LMO1: variants seen among roughly 807,000 people sequenced by gnomAD.
LMO1 encodes the protein rhombotin-1.
Under a neutral mutation model 18.0 loss-of-function variants are expected in LMO1, and 10 were observed. The observed-to-expected ratio is 0.55, with a 90% CI of 0.34 to 0.94. LMO1 has a LOEUF of 0.94. LMO1 is among the 40% of genes least tolerant of loss of function. The pLI is 0.02. For synonymous variants in LMO1, 77 were observed against 77.9 expected (o/e 0.99, Z 0.06); for missense variants, 183 against 205.7 (o/e 0.89, Z 0.68).
chr11:8,226,710 A>C, intron 3 of LMO1: 1 of 486,674 alleles, frequency 2.1e-6, no homozygotes, highest in Non-Finnish European at 3.5e-6. Flanking sequence ...ATACACAGTA[A>C]ACTCATGCAC....
chr11:8,228,016 T>C (rs1218931452), intron 2 of LMO1, among the ~76,000 whole-genome samples: 1 of 152,272 alleles, frequency 6.6e-6, no homozygotes, highest in African/African-American at 2.4e-5. Flanking sequence ...AAACTCACTG[T>C]GTTACTTGCC....
intron 2 of LMO1, among the ~76,000 whole-genome samples, chr11:8,227,434 C>A (rs141924418): frequency 7.2e-5 from 11 of 152,326 alleles, no homozygotes; most frequent in Admixed American, 2.6e-4. Context: ...CCTGAGCAAG[C>A]CTGAATTTCA....
chr11:8,250,676 C>A (rs1156890042), intron 1 of LMO1, among the ~76,000 whole-genome samples: 1 of 152,274 alleles, frequency 6.6e-6, no homozygotes, highest in Non-Finnish European at 1.5e-5. Context: ...CTGGAAGAGA[C>A]AGCCTCTGAC....
chr11:8,246,902 C>A (rs1239629983), intron 1 of LMO1, among the ~76,000 whole-genome samples: 1 of 152,142 alleles, frequency 6.6e-6, no homozygotes, highest in African/African-American at 2.4e-5. Context: ...CATCCCCCTG[C>A]TGGGATGAAA....
chr11:8,247,709 G>A (rs1243832329), intron 1 of LMO1, among the ~76,000 whole-genome samples: 1 of 152,226 alleles, frequency 6.6e-6, no homozygotes, highest in Admixed American at 6.5e-5. Flanking sequence ...ACACATGCTC[G>A]TTTTCTAGTC....
chr11:8,262,055 C>A (rs567032731), intron 1 of LMO1, among the ~76,000 whole-genome samples: 2 of 152,296 alleles, frequency 1.3e-5, no homozygotes, highest in African/African-American at 4.8e-5. Context: ...CACCTGGCAG[C>A]GGCAATGCGA....
intron 1 of LMO1, among the ~76,000 whole-genome samples, chr11:8,262,516 A>G (rs956594215): frequency 3.9e-5 from 6 of 152,284 alleles, no homozygotes; most frequent in African/African-American, 1.2e-4. Flanking sequence ...CTATGGGACC[A>G]CCTGCTAGTG....
intron 1 of LMO1, among the ~76,000 whole-genome samples, chr11:8,236,082 T>C (rs1328452744): frequency 6.6e-6 from 1 of 152,218 alleles, no homozygotes; most frequent in Non-Finnish European, 1.5e-5. Context: ...CAACAGGCTG[T>C]TCCAGTGACC....
chr11:8,245,304 T>G (rs1402417317), intron 1 of LMO1, among the ~76,000 whole-genome samples: 4 of 152,166 alleles, frequency 2.6e-5, no homozygotes, highest in African/African-American at 9.7e-5. Flanking sequence ...TGGACTCTGG[T>G]GAGCCTGGGT....
At chr11:8,250,139 A>G (rs1461186084) in intron 1 of LMO1, among the ~76,000 whole-genome samples, 1 of 152,028 alleles carries the variant, frequency 6.6e-6, no homozygotes, top group Non-Finnish European at 1.5e-5. Context: ...CTTTTGGCTC[A>G]CTGTAGATCT....
intron 2 of LMO1, among the ~76,000 whole-genome samples, chr11:8,229,700 G>A (rs1952617587): frequency 6.6e-6 from 1 of 152,242 alleles, no homozygotes; most frequent in Admixed American, 6.5e-5. Flanking sequence ...AGTAAACTGA[G>A]GCTGGGAGAA....
intron 1 of LMO1, among the ~76,000 whole-genome samples, chr11:8,242,951 G>C (rs1178933662): frequency 2.6e-5 from 4 of 152,232 alleles, no homozygotes; most frequent in African/African-American, 4.8e-5. Flanking sequence ...CAGGCACAAA[G>C]AGGGGACCCT....
At chr11:8,267,956 C>T (rs998669975), upstream of LMO1, among the ~76,000 whole-genome samples, 1 of 152,236 alleles carries the variant, frequency 6.6e-6, no homozygotes, top group Non-Finnish European at 1.5e-5. Flanking sequence ...ACCCCTGCAC[C>T]TGCAGGATCT....
intron 2 of LMO1, among the ~76,000 whole-genome samples, chr11:8,228,017 G>A (rs778401867): frequency 1.3e-5 from 2 of 152,206 alleles, no homozygotes; most frequent in Admixed American, 1.3e-4. Flanking sequence ...AACTCACTGT[G>A]TTACTTGCCT....
At chr11:8,242,305 T>A (rs1846809046) in intron 1 of LMO1, among the ~76,000 whole-genome samples, 1 of 152,110 alleles carries the variant, frequency 6.6e-6, no homozygotes, top group Admixed American at 6.5e-5. Flanking sequence ...CCTTTACACA[T>A]AAATACCCAT....
At chr11:8,257,596 G>A (rs1433503186) in intron 1 of LMO1, among the ~76,000 whole-genome samples, 1 of 152,246 alleles carries the variant, frequency 6.6e-6, no homozygotes, top group Non-Finnish European at 1.5e-5. Flanking sequence ...GCAAAAAGAT[G>A]CTGATGCTCT....
At chr11:8,262,759 G>A (rs980952670) in intron 1 of LMO1, among the ~76,000 whole-genome samples, 3 of 152,140 alleles carry the variant, frequency 2.0e-5, no homozygotes, top group African/African-American at 7.2e-5. Context: ...CTTTCTCACC[G>A]AGTCACGCTC....
chr11:8,247,274 C>T (rs1846911076), intron 1 of LMO1, among the ~76,000 whole-genome samples: 1 of 152,166 alleles, frequency 6.6e-6, no homozygotes, highest in African/African-American at 2.4e-5. Context: ...AGGACTCCCC[C>T]AGGCAGGGTT....
chr11:8,243,147 C>T (rs561752374), intron 1 of LMO1, among the ~76,000 whole-genome samples: 1 of 152,274 alleles, frequency 6.6e-6, no homozygotes, highest in African/African-American at 2.4e-5. Flanking sequence ...ACAGCACTGC[C>T]TCTGGGATGC....
Sources: allele counts gnomAD v4.1 joint callset (sites outside exome capture counted in the v4.1 genomes callset), GRCh38; gene constraint gnomAD v4.1.1; transcripts MANE v1.5; gene names NCBI Gene and HGNC (gene_info 2026-07-23, HGNC 2026-07-21).